Variants in AFDN observed in about 807,000 individuals in gnomAD.
AFDN encodes the protein afadin, adherens junction formation factor.
In AFDN, 68 loss-of-function variants were observed where a neutral mutation model predicts 216.6. The observed-to-expected ratio is 0.31, with a 90% CI of 0.26 to 0.38. The LOEUF is 0.38. Among genes scored for constraint, AFDN ranks in the 10% least tolerant of loss-of-function variants. AFDN has a pLI of 1.00. For synonymous variants in AFDN, 868 were observed against 853.7 expected (o/e 1.02, Z -0.29); for missense variants, 2,136 against 2,342.0 (o/e 0.91, Z 1.82).
intron 29 of AFDN, among the ~76,000 whole-genome samples, chr6:167,950,108 TAAGTA>T (rs1795795094): frequency 1.3e-5 from 2 of 152,248 alleles, no homozygotes; most frequent in African/African-American, 4.8e-5. Flanking sequence ...CTCTGTGTAC[TAAGTA>T]AAGCTCTAGC....
At chr6:167,915,135 T>G (rs1562664125) in intron 18 of AFDN, 33 bp from the exon 19 acceptor site, 2 of 1,607,492 alleles carry the variant, frequency 1.2e-6, no homozygotes, top group African/African-American at 1.3e-5. Context: ...GATGACATTT[T>G]GCTCCTCTTG....
chr6:167,844,623 G>A (rs1781436023), intron 1 of AFDN, among the ~76,000 whole-genome samples: 1 of 152,014 alleles, frequency 6.6e-6, no homozygotes, highest in Non-Finnish European at 1.5e-5. Context: ...AGTGCAATTT[G>A]AGTCAAAGGC....
intron 1 of AFDN, among the ~76,000 whole-genome samples, chr6:167,860,680 C>A (rs1783458462): frequency 6.6e-6 from 1 of 152,144 alleles, no homozygotes; most frequent in African/African-American, 2.4e-5. Flanking sequence ...CTGTTCATGT[C>A]CTGTTGCAGC....
chr6:167,858,443 G>A (rs1055513156), intron 1 of AFDN, among the ~76,000 whole-genome samples: 3 of 152,190 alleles, frequency 2.0e-5, no homozygotes, highest in African/African-American at 7.2e-5. Flanking sequence ...CTGTGCAATC[G>A]TGTGCTTTCT....
At chr6:167,943,558 A>G in intron 25 of AFDN, 83 bp downstream of exon 25, 1 of 1,117,948 alleles carries the variant, frequency 8.9e-7, no homozygotes, top group Middle Eastern at 2.0e-4. Context: ...GGAAGATAAA[A>G]ACTATGCTAA....
intron 32 of AFDN, 46 bp from the exon 33 acceptor site, chr6:167,969,068 G>A: frequency 7.0e-7 from 1 of 1,433,532 alleles, no homozygotes; most frequent in Non-Finnish European, 9.8e-7. Context: ...GTAAAGCTTA[G>A]AAATAATCAG....
intron 23 of AFDN, among the ~76,000 whole-genome samples, chr6:167,936,156 T>G (rs1447407573): frequency 6.6e-6 from 1 of 152,252 alleles, no homozygotes; most frequent in Non-Finnish European, 1.5e-5. Context: ...CATTTCCATA[T>G]TTCAGTTTGG....
At chr6:167,955,100 GT>G (rs1796363060) in intron 30 of AFDN, among the ~76,000 whole-genome samples, 1 of 152,098 alleles carries the variant, frequency 6.6e-6, no homozygotes, top group South Asian at 2.1e-4. Flanking sequence ...TTGGCTCATC[GT>G]TTAGGGCCCA....
chr6:167,873,980 T>C (rs111579423), intron 4 of AFDN, among the ~76,000 whole-genome samples: 14 of 152,244 alleles, frequency 9.2e-5, no homozygotes, highest in Non-Finnish European at 1.5e-5. Flanking sequence ...GATGCCTATG[T>C]AATCACTTGA....
intron 8 of AFDN, among the ~76,000 whole-genome samples, chr6:167,891,408 G>GTGTGTGTGTGT (rs1562619712): frequency 0.015 from 1,068 of 72,042 alleles, 11 homozygotes; most frequent in Non-Finnish European, 0.019. Flanking sequence ...TAAAGGGGTG[G>GTGTGTGTGTGT]GTGTGTGTGT....
rs1460685027 is a variant in AFDN at position 167,893,890 on chromosome 6, C to T, written c.1206C>T (p.Asn402=). ...GAAGGAATCACTTTGCCTACTACAA[C>T]TATCACACTTACGAAGGTAATGCTA... is the stretch of plus-strand genomic sequence containing the variant. The part of the protein sequence containing the change: ...PGRRNHFAYY[N]YHTYEDGSDS... Residue 402 remains asparagine (N), a synonymous_variant, in exon 9 of 34, where the codon AAC becomes AAT. Transcript: ENST00000683244. 2 of 1,588,868 alleles carry T rather than the reference C, an allele frequency of 1.3e-6. No homozygotes were observed. Among genetic ancestry groups the T allele is most frequent in the Non-Finnish European group, 1.7e-6 (2 of 1,166,086 alleles).
chr6:167,852,449 G>C (rs1562553282), intron 1 of AFDN, among the ~76,000 whole-genome samples: 1 of 152,142 alleles, frequency 6.6e-6, no homozygotes, highest in Admixed American at 6.5e-5. Context: ...AATGGATTCA[G>C]GTCCAATTGT....
intron 1 of AFDN, among the ~76,000 whole-genome samples, chr6:167,844,177 A>ATGTGT (rs1781375599): frequency 3.6e-4 from 51 of 141,794 alleles, no homozygotes; most frequent in Admixed American, 1.2e-3. Context: ...TCAAAAATGA[A>ATGTGT]GTGTGTGTGT....
intron 21 of AFDN, among the ~76,000 whole-genome samples, chr6:167,922,469 G>T (rs73032794): frequency 0.02 from 3,003 of 152,262 alleles, 56 homozygotes; most frequent in Non-Finnish European, 0.033. Context: ...TTGTTTTCTG[G>T]CTCCTTCCCT....
chr6:167,920,807 C>G (rs954960869), intron 21 of AFDN, among the ~76,000 whole-genome samples: 1 of 152,174 alleles, frequency 6.6e-6, no homozygotes, highest in Non-Finnish European at 1.5e-5. Context: ...TGCTGTTGAA[C>G]TTACACACTT....
chr6:167,961,064 T>C (rs1249406055), intron 30 of AFDN, among the ~76,000 whole-genome samples: 1 of 146,998 alleles, frequency 6.8e-6, no homozygotes, highest in East Asian at 2.0e-4. Context: ...AGTTGATTTT[T>C]ATTTAAAAAA....
chr6:167,873,232 G>A (rs1413919289), intron 4 of AFDN, among the ~76,000 whole-genome samples: 1 of 152,190 alleles, frequency 6.6e-6, no homozygotes, highest in Non-Finnish European at 1.5e-5. Flanking sequence ...TGAACCCAGA[G>A]AGAATCATAA....
At chr6:167,880,707 A>G (rs939866586) in intron 6 of AFDN, among the ~76,000 whole-genome samples, 190 bp downstream of exon 6, 3 of 152,214 alleles carry the variant, frequency 2.0e-5, no homozygotes, top group Non-Finnish European at 4.4e-5. Context: ...ACATATTTCT[A>G]TTATAAAATA....
chr6:167,890,312 G>C (rs1273685836), intron 7 of AFDN, among the ~76,000 whole-genome samples: 1 of 152,112 alleles, frequency 6.6e-6, no homozygotes, highest in Non-Finnish European at 1.5e-5. Flanking sequence ...TCTTTAAGTT[G>C]AATTTAATAA....
Sources: gnomAD v4.1 joint callset for allele counts (sites outside exome capture counted in the v4.1 genomes callset) on GRCh38, gnomAD v4.1.1 for gene constraint, MANE v1.5 for transcripts, NCBI Gene and HGNC (gene_info 2026-07-23, HGNC 2026-07-21) for gene names.